CACNA1C: variants seen among roughly 807,000 people sequenced by gnomAD.
The protein encoded by CACNA1C is voltage-dependent L-type calcium channel subunit alpha-1C.
In CACNA1C, 30 loss-of-function variants were observed where a neutral mutation model predicts 229.0. The observed-to-expected ratio is 0.13, with a 90% CI of 0.10 to 0.18. CACNA1C has a LOEUF of 0.18. CACNA1C is among the 10% of genes least tolerant of loss of function. The probability of loss-of-function intolerance (pLI) is 1.00; values close to 1 mark genes in which losing one functional copy is unlikely to be tolerated. For missense variants in CACNA1C, 1,658 were observed against 2,845.0 expected (o/e 0.58, Z 9.49); for synonymous variants, 1,114 against 1,132.5 (o/e 0.98, Z 0.33).
intron 3 of CACNA1C, among the ~76,000 whole-genome samples, chr12:2,435,620 G>C (rs11062229): frequency 0.17 from 26,295 of 152,210 alleles, 3,033 homozygotes; most frequent in East Asian, 0.53. Flanking sequence ...GAGACAGGCA[G>C]CCTGAGAGGT....
At chr12:2,100,490 A>AC (rs2075915490) in intron 1 of CACNA1C, among the ~76,000 whole-genome samples, 1 of 150,324 alleles carries the variant, frequency 6.7e-6, no homozygotes, top group Non-Finnish European at 1.5e-5. Context: ...CAAAAAAAAA[A>AC]AACAACAAAA....
intron 1 of CACNA1C, among the ~76,000 whole-genome samples, chr12:2,086,018 C>G (rs1486859116): frequency 6.6e-6 from 1 of 152,192 alleles, no homozygotes; most frequent in East Asian, 1.9e-4. Flanking sequence ...TCAAGCATCC[C>G]CTCCTTTGGG....
At chr12:2,047,041 T>G (rs765125) in intron 1 of CACNA1C, among the ~76,000 whole-genome samples, 1 of 152,070 alleles carries the variant, frequency 6.6e-6, no homozygotes, top group Non-Finnish European at 1.5e-5. Context: ...CAAAGCCTTC[T>G]TCTCTCCTCC....
intron 5 of CACNA1C, among the ~76,000 whole-genome samples, chr12:2,484,536 T>G (rs1567960174): frequency 6.6e-6 from 1 of 152,166 alleles, no homozygotes; most frequent in Non-Finnish European, 1.5e-5. Context: ...CCTCCAGCTG[T>G]GGCCTGGAGG....
intron 29 of CACNA1C, among the ~76,000 whole-genome samples, chr12:2,615,508 C>A (rs184693268): frequency 6.6e-6 from 1 of 152,306 alleles, no homozygotes; most frequent in Admixed American, 6.5e-5. Context: ...GATATCATTT[C>A]TCCTCAAACT....
At chr12:2,038,086 A>G (rs1467184025) in intron 1 of CACNA1C, among the ~76,000 whole-genome samples, 1 of 152,128 alleles carries the variant, frequency 6.6e-6, no homozygotes, top group East Asian at 1.9e-4. Flanking sequence ...CACCCAGACA[A>G]AACCCTACTG....
At chr12:2,116,680 C>T (rs2084055156) in intron 2 of CACNA1C, among the ~76,000 whole-genome samples, 1 of 152,174 alleles carries the variant, frequency 6.6e-6, no homozygotes, top group East Asian at 1.9e-4. Flanking sequence ...CAGAAAGGAC[C>T]TTTAAGTGCT....
chr12:2,211,350 G>T (rs1364927987), intron 3 of CACNA1C, among the ~76,000 whole-genome samples: 1 of 152,250 alleles, frequency 6.6e-6, no homozygotes, highest in Non-Finnish European at 1.5e-5. Context: ...GTCAGGTTTT[G>T]TGGGCACATG....
At chr12:2,523,646 C>T (rs75933123) in intron 9 of CACNA1C, among the ~76,000 whole-genome samples, 1,714 of 152,288 alleles carry the variant, frequency 0.011, 14 homozygotes, top group Non-Finnish European at 0.02. Flanking sequence ...AGCCACGGGT[C>T]GCTTTAAGAA....
intron 1 of CACNA1C, among the ~76,000 whole-genome samples, chr12:2,064,241 C>T (rs995906777): frequency 6.6e-6 from 1 of 152,222 alleles, no homozygotes; most frequent in Admixed American, 6.5e-5. Context: ...CTTCGTAACT[C>T]AACAGGAAAT....
chr12:2,684,771 T>C (rs2097357969), intron 43 of CACNA1C, among the ~76,000 whole-genome samples: 1 of 152,122 alleles, frequency 6.6e-6, no homozygotes, highest in African/African-American at 2.4e-5. Context: ...GAAAATACAA[T>C]AGGGAGGCCT....
intron 3 of CACNA1C, among the ~76,000 whole-genome samples, chr12:2,222,731 G>A (rs575508096): frequency 2.6e-4 from 40 of 152,334 alleles, no homozygotes; most frequent in Non-Finnish European, 5.3e-4. Context: ...ATCTGAACAT[G>A]AGGGACAATG....
intron 34 of CACNA1C, among the ~76,000 whole-genome samples, chr12:2,664,624 C>T (rs2095970294): frequency 6.6e-6 from 1 of 152,184 alleles, no homozygotes; most frequent in Admixed American, 6.5e-5. Flanking sequence ...CAATTTGTTA[C>T]TGTTTATATA....
chr12:2,026,711 A>G (rs2047393144), intron 1 of CACNA1C, among the ~76,000 whole-genome samples: 1 of 152,230 alleles, frequency 6.6e-6, no homozygotes, highest in Admixed American at 6.5e-5. Flanking sequence ...TTTGACACAA[A>G]CTTGTAAGAC....
At chr12:2,183,171 C>T (rs1440362888) in intron 3 of CACNA1C, among the ~76,000 whole-genome samples, 2 of 152,042 alleles carry the variant, frequency 1.3e-5, no homozygotes, top group Non-Finnish European at 2.9e-5. Flanking sequence ...CCATGCCCAG[C>T]CCCCTGACGT....
intron 1 of CACNA1C, among the ~76,000 whole-genome samples, chr12:1,996,640 AAAAAAAAAAAAAAAACAAC>A (rs1354050098): frequency 7.6e-5 from 9 of 117,798 alleles, no homozygotes; most frequent in African/African-American, 1.4e-4. Flanking sequence ...AAAAAAAAAA[AAAAAAAAAAAAAAAACAAC>A]AAACTCTTCT....
At chr12:2,027,553 T>C (rs550212415) in intron 1 of CACNA1C, among the ~76,000 whole-genome samples, 7 of 152,336 alleles carry the variant, frequency 4.6e-5, no homozygotes, top group African/African-American at 1.2e-4. Flanking sequence ...TCATAACAAT[T>C]GTATAACCTC....
rs2074903221 is a variant in CACNA1C at position 2,605,498 on chromosome 12, A to G, written c.3049-181A>G. Reference sequence around the variant, plus strand: ...TTGTCCTTGTAGTCACGGAGAGTCCAGTGGGGGCCTTTGCATCCCATTAGG... The same window carrying G: ...TTGTCCTTGTAGTCACGGAGAGTCCGGTGGGGGCCTTTGCATCCCATTAGG... On this transcript the variant is annotated intron_variant, in intron 23 of 46. Coordinates refer to ENST00000399655, the MANE Select transcript of CACNA1C (RefSeq NM_000719.7). The surrounding 1 kb of genome is among the most constrained non-coding windows in gnomAD (Gnocchi z 6.2). Among the ~76,000 whole-genome samples, 1 of 152,144 alleles carries G rather than the reference A, an allele frequency of 6.6e-6. No individual in the cohort carries two copies. The highest frequency in any genetic ancestry group is 2.4e-5 in the African/African-American group (1 of 41,434).
chr12:2,671,827 A>G (rs2096582379), intron 38 of CACNA1C, among the ~76,000 whole-genome samples: 2 of 152,234 alleles, frequency 1.3e-5, no homozygotes, highest in South Asian at 4.1e-4. Flanking sequence ...AAACACAAAG[A>G]CATTTCAGAA....
Sources: gnomAD v4.1 joint callset for allele counts (sites outside exome capture counted in the v4.1 genomes callset) on GRCh38, gnomAD v4.1.1 for gene constraint, Gnocchi (gnomAD v3.1) non-coding constraint, MANE v1.5 for transcripts, NCBI Gene and HGNC (gene_info 2026-07-23, HGNC 2026-07-21) for gene names.